KIAA1217: variants seen among roughly 807,000 people sequenced by gnomAD.
KIAA1217 encodes the protein sickle tail protein homolog.
KIAA1217 carries 88 observed loss-of-function variants against 163.9 expected under a neutral mutation model. The ratio of observed to expected loss-of-function variants is 0.54; its 90% CI spans 0.45 to 0.64. The LOEUF is 0.64. KIAA1217 is among the 30% of genes least tolerant of loss of function. The pLI, the probability that KIAA1217 is intolerant of heterozygous loss-of-function variation, is 0.00. For missense variants in KIAA1217, 2,372 were observed against 2,475.0 expected (o/e 0.96, Z 0.88); for synonymous variants, 903 against 923.1 (o/e 0.98, Z 0.39).
chr10:23,882,134 A>C (rs959632403), intron 1 of KIAA1217, among the ~76,000 whole-genome samples: 2 of 151,976 alleles, frequency 1.3e-5, no homozygotes, highest in African/African-American at 4.8e-5. Flanking sequence ...ATATAAACCC[A>C]CCACAATTTT....
chr10:23,770,043 T>G (rs1273250254), intron 1 of KIAA1217, among the ~76,000 whole-genome samples: 1 of 152,196 alleles, frequency 6.6e-6, no homozygotes, highest in African/African-American at 2.4e-5. Context: ...AATCAACCAA[T>G]GTTTCACTTT....
intron 1 of KIAA1217, among the ~76,000 whole-genome samples, chr10:23,717,133 C>G (rs1837619366): frequency 6.6e-6 from 1 of 152,132 alleles, no homozygotes; most frequent in South Asian, 2.1e-4. Context: ...GAGTTACCTG[C>G]TTTACTATCT....
chr10:24,046,488 G>A (rs990943252), intron 2 of KIAA1217, among the ~76,000 whole-genome samples: 6 of 152,142 alleles, frequency 3.9e-5, no homozygotes, highest in African/African-American at 1.4e-4. Context: ...CATGGCTGAG[G>A]AGGCCTCAGG....
intron 1 of KIAA1217, among the ~76,000 whole-genome samples, chr10:23,699,864 A>T (rs1235224164): frequency 6.6e-6 from 1 of 152,164 alleles, no homozygotes; most frequent in Non-Finnish European, 1.5e-5. Flanking sequence ...TCCAGATCGT[A>T]AGTTTTAAGA....
intron 2 of KIAA1217, among the ~76,000 whole-genome samples, chr10:24,222,103 T>G (rs2069736440): frequency 6.6e-6 from 1 of 152,230 alleles, no homozygotes; most frequent in African/African-American, 2.4e-5. Flanking sequence ...ATAATTATTG[T>G]TATTGCTGTA....
In KIAA1217 at chr10:24,536,800, T is replaced by C. The variant is rs780144065; in HGVS notation, c.3441T>C (p.Asp1147=). Residue 1147 remains aspartate (D), a synonymous_variant, in exon 17 of 21, where the codon GAT becomes GAC. Coordinates refer to ENST00000376454, the MANE Select transcript of KIAA1217 (RefSeq NM_019590.5). ...LQAFQKCSFM[D]VNSNSHAEPS... ...CATTCCAGAAGTGTTCCTTTATGGA[T>C]GTAAATTCAAACAGTCATGCTGAGC... 9.3e-6 allele frequency: 15 copies of C among 1,613,848 alleles called. No individual in the cohort carries two copies. The South Asian group carries it at 1.2e-4, about 13-fold the overall frequency.
chr10:24,070,295 A>G (rs748552770), intron 2 of KIAA1217, among the ~76,000 whole-genome samples: 2 of 151,860 alleles, frequency 1.3e-5, no homozygotes, highest in Non-Finnish European at 2.9e-5. Flanking sequence ...TGATAAAAAA[A>G]AAAGAGATAT....
intron 2 of KIAA1217, among the ~76,000 whole-genome samples, chr10:24,178,714 AC>A (rs1289575549): frequency 6.6e-6 from 1 of 152,182 alleles, no homozygotes; most frequent in Non-Finnish European, 1.5e-5. Flanking sequence ...GTTTCTCAGC[AC>A]CCATGGTCTT....
chr10:24,150,968 C>T lies in KIAA1217; in HGVS notation c.-170-68658C>T, dbSNP rs140372199. The stretch of plus-strand genomic sequence containing the variant: ...ACCTGAAATGGAAGGGAATGTTATC[C>T]TAAGTGGCCAGGAGTAGGATATGCC... On this transcript the variant is annotated intron_variant, in intron 2 of 18. Coordinates refer to the KIAA1217 transcript ENST00000376462. 3.4e-4 allele frequency among the ~76,000 whole-genome samples: 51 copies of T among 152,148 alleles called. 1 individual carries two copies. In the South Asian group the frequency reaches 6.0e-3, roughly 18 times the overall value.
intron 1 of KIAA1217, among the ~76,000 whole-genome samples, chr10:23,871,049 C>T (rs1221089803): frequency 1.3e-5 from 2 of 148,858 alleles, no homozygotes; most frequent in Non-Finnish European, 3.0e-5. Context: ...TGCATACTTT[C>T]CTCCGTCCTT....
chr10:23,900,631 T>C lies in KIAA1217; in HGVS notation c.-320-106594T>C, dbSNP rs1030897935. Among the ~76,000 whole-genome samples, 5 of 152,240 alleles carry C rather than the reference T, an allele frequency of 3.3e-5. No individual in the cohort carries two copies. In the East Asian group the frequency reaches 9.7e-4, roughly 30 times the overall value. On this transcript the variant is annotated intron_variant, in intron 1 of 18. Coordinates refer to the KIAA1217 transcript ENST00000376462. The stretch of plus-strand genomic sequence containing the variant: ...ATAGGACTTATATTACTCTGTCTTG[T>C]AAAACTGTGGTCTATTACCCTTGGA...
chr10:23,909,995 G>T (rs925790032), intron 1 of KIAA1217, among the ~76,000 whole-genome samples: 7 of 152,090 alleles, frequency 4.6e-5, no homozygotes, highest in African/African-American at 1.7e-4. Context: ...ATTCTAACTG[G>T]CATGAGATGG....
At chr10:24,279,444 T>C (rs546548697) in intron 2 of KIAA1217, among the ~76,000 whole-genome samples, 1 of 152,302 alleles carries the variant, frequency 6.6e-6, no homozygotes, top group African/African-American at 2.4e-5. Flanking sequence ...CAAGTGAAGA[T>C]ATTATCATGT....
chr10:24,463,489 A>T (rs1373177872), intron 5 of KIAA1217, among the ~76,000 whole-genome samples: 1 of 152,226 alleles, frequency 6.6e-6, no homozygotes, highest in East Asian at 1.9e-4. Flanking sequence ...AATCAAATGA[A>T]ACAATAGGCT....
At chr10:23,913,583 A>T (rs1374431180) in intron 1 of KIAA1217, among the ~76,000 whole-genome samples, 2 of 151,866 alleles carry the variant, frequency 1.3e-5, no homozygotes, top group African/African-American at 2.4e-5. Flanking sequence ...GCTAGAATGG[A>T]GGGGTAAGTG....
At chr10:24,214,981 G>A (rs934674601) in intron 1 of KIAA1217, among the ~76,000 whole-genome samples, 3 of 152,214 alleles carry the variant, frequency 2.0e-5, no homozygotes, top group African/African-American at 7.2e-5. Context: ...CCTTGGCAGC[G>A]CCTGCAGTTG....
At chr10:24,147,006 T>TAAAAAAAAAAA (rs755857019) in intron 2 of KIAA1217, among the ~76,000 whole-genome samples, 1 of 110,726 alleles carries the variant, frequency 9.0e-6, no homozygotes, top group African/African-American at 3.3e-5. Flanking sequence ...TTTGTTTTGT[T>TAAAAAAAAAAA]AAAAAAAAAA....
chr10:24,135,386 C>G (rs1168661574), intron 2 of KIAA1217, among the ~76,000 whole-genome samples: 1 of 152,018 alleles, frequency 6.6e-6, no homozygotes, highest in Non-Finnish European at 1.5e-5. Context: ...TCAAGAAGCA[C>G]CCACCCTCTG....
chr10:23,908,090 A>G (rs1842248786), intron 1 of KIAA1217, among the ~76,000 whole-genome samples: 2 of 152,094 alleles, frequency 1.3e-5, no homozygotes, highest in Non-Finnish European at 2.9e-5. Context: ...AGGAGAGAGA[A>G]TTCCAGGCAG....
Sources: gnomAD v4.1 joint callset for allele counts (sites outside exome capture counted in the v4.1 genomes callset) on GRCh38, gnomAD v4.1.1 for gene constraint, MANE v1.5 for transcripts, NCBI Gene and HGNC (gene_info 2026-07-23, HGNC 2026-07-21) for gene names.